The following PMEPA1 variants were observed in gnomAD, a reference collection of about 807,000 sequenced individuals.
PMEPA1 encodes prostate transmembrane protein, androgen induced 1.
A neutral mutation model predicts 23.0 loss-of-function variants in PMEPA1; 11 were observed. The ratio of observed to expected loss-of-function variants is 0.48; its 90% CI spans 0.30 to 0.79. The LOEUF (loss-of-function observed/expected upper bound fraction) is 0.79. Among genes scored for constraint, PMEPA1 ranks in the 30% least tolerant of loss-of-function variants. The probability of loss-of-function intolerance (pLI) is 0.06; values close to 1 mark genes in which losing one functional copy is unlikely to be tolerated. For missense variants in PMEPA1, 377 were observed against 390.9 expected (o/e 0.96, Z 0.30); for synonymous variants, 204 against 166.4 (o/e 1.23, Z -1.74).
Position 57,648,682 on chromosome 20 carries a change from T to TCAGG in PMEPA1, c.*3367_*3370dup, listed in dbSNP as rs2071178899. On this transcript the variant is annotated 3_prime_UTR_variant, in exon 4 of 4. Transcript: ENST00000341744. ...TGGAATCAGCACAACAGCCATGGAA[T>TCAGG]CAGGCAGGCAGGGGAGGACGGGCTG... The TCAGG allele has an allele frequency of 2.6e-5, 4 of 152,292 alleles. No individual in the cohort carries two copies. Among genetic ancestry groups the TCAGG allele is most frequent in the Admixed American group, 2.6e-4 (4 of 15,284 alleles). 9.4% of individuals were successfully genotyped at this position (152,292 alleles called of 1,614,324 possible).
intron 1 of PMEPA1, among the ~76,000 whole-genome samples, chr20:57,667,177 T>G (rs546744045): frequency 5.1e-4 from 78 of 152,070 alleles, no homozygotes; most frequent in Non-Finnish European, 9.9e-4. Flanking sequence ...GGACCCCACC[T>G]TTCAGTTAGA....
rs2146628526 is a variant in PMEPA1, at chr20:57,649,987, C to T, written c.*2066G>A. On this transcript the variant is annotated 3_prime_UTR_variant, in exon 4 of 4. Transcript: ENST00000341744. ...GGGATAACCTGTACTGATTTCTCTG[C>T]AGGACCTTTTCAAAGAATCCTCTTC... is the stretch of plus-strand genomic sequence containing the variant. 1 of 152,792 alleles carries T rather than the reference C, an allele frequency of 6.5e-6. No individual in the cohort carries two copies. Among genetic ancestry groups the T allele is most frequent in the East Asian group, 1.9e-4 (1 of 5,184 alleles). The allele number at this position is 152,792 out of a possible 1,614,324, so 9.5% of individuals were successfully genotyped here.
rs1413632777 is a variant in PMEPA1 at position 57,649,582 on chromosome 20, T to C, written c.*2471A>G. The C allele has an allele frequency of 6.6e-6, 1 of 152,162 alleles. No homozygotes were observed. The highest frequency in any genetic ancestry group is 1.9e-4 in the East Asian group (1 of 5,190). The allele number at this position is 152,162 out of a possible 1,614,324, so 9.4% of individuals were successfully genotyped here. ...ACCCAAACAGTTTGGCTCAAGAGGA[T>C]ATGAGGACTGTCTCAGCCTGGCTTT... On this transcript the variant is annotated 3_prime_UTR_variant, in exon 4 of 4. Coordinates refer to ENST00000341744, the MANE Select transcript of PMEPA1 (RefSeq NM_020182.5).
chr20:57,680,245 G>A (rs1418660542), intron 1 of PMEPA1, among the ~76,000 whole-genome samples: 1 of 152,222 alleles, frequency 6.6e-6, no homozygotes, highest in Non-Finnish European at 1.5e-5. Context: ...AGCTCCCAAG[G>A]AGCCGCTTTG....
At position 57,651,899 on chromosome 20, in the gene PMEPA1, C is replaced by G; in HGVS notation, c.*154G>C. On this transcript the variant is annotated 3_prime_UTR_variant, in exon 4 of 4. Coordinates refer to ENST00000341744, the MANE Select transcript of PMEPA1 (RefSeq NM_020182.5). ...TCTTAGCTTGTGCATTCAGACCAGA[C>G]ATCACATGTAAATATTTATACACAG... 2.1e-6 allele frequency: 1 copy of G among 472,068 alleles called. No individual in the cohort carries two copies. Among genetic ancestry groups the G allele is most frequent in the East Asian group, 3.5e-5 (1 of 28,300 alleles). The allele number at this position is 472,068 out of a possible 1,614,324, so 29.2% of individuals were successfully genotyped here. A position where few individuals can be genotyped will look rare whatever the true frequency, so the allele number is the denominator to read the frequency against.
chr20:57,690,761 T>A (rs1474704780), intron 1 of PMEPA1: 1 of 327,142 alleles, frequency 3.1e-6, no homozygotes, highest in Admixed American at 4.1e-5. Context: ...AAGTCTGGGG[T>A]GGAGCCTGGC....
chr20:57,709,912 C>T lies in PMEPA1; in HGVS notation c.-330G>A. On this transcript the variant is annotated 5_prime_UTR_variant, in exon 1 of 4. Transcript: ENST00000341744. ...CTGCCGCTAGCTTTCCCCAGCCGAG[C>T]GCCTCCGCCGCCGCCGCCGCCGCCG... is the stretch of plus-strand genomic sequence containing the variant. The T allele has an allele frequency of 3.0e-6, 3 of 1,009,776 alleles. No individual in the cohort carries two copies. Among genetic ancestry groups the T allele is most frequent in the Non-Finnish European group, 3.5e-6 (3 of 848,916 alleles). 62.6% of individuals were successfully genotyped at this position (1,009,776 alleles called of 1,614,324 possible). A position where few individuals can be genotyped will look rare whatever the true frequency, so the allele number is the denominator to read the frequency against.
intron 1 of PMEPA1, among the ~76,000 whole-genome samples, chr20:57,699,066 T>C (rs1171079883): frequency 1.3e-5 from 2 of 152,242 alleles, no homozygotes; most frequent in Non-Finnish European, 2.9e-5. Context: ...ATGCAAATTC[T>C]GAGCCTCCCT....
intron 1 of PMEPA1, among the ~76,000 whole-genome samples, chr20:57,664,861 T>C (rs2071471716): frequency 6.6e-6 from 1 of 152,242 alleles, no homozygotes; most frequent in Non-Finnish European, 1.5e-5. Flanking sequence ...TCAGGACTTC[T>C]GGCCAAGAGT....
In PMEPA1 at chr20:57,697,442, T is replaced by C. The variant is rs539790703; in HGVS notation, c.109+12032A>G. 3.3e-5 allele frequency among the ~76,000 whole-genome samples: 5 copies of C among 152,332 alleles called. No individual in the cohort carries two copies. The South Asian group carries it at 1.0e-3, about 32-fold the overall frequency. ...CACTCAACATCCCTCATCTATACTT[T>C]GGAAGTCACTAGGCAGCTCAATAAA... On this transcript the variant is annotated intron_variant, in intron 1 of 3. Coordinates refer to ENST00000341744, the MANE Select transcript of PMEPA1 (RefSeq NM_020182.5).
In PMEPA1 at chr20:57,652,213, A is replaced by G. The variant is rs746214641; in HGVS notation, c.704T>C (p.Val235Ala). The G allele has an allele frequency of 6.2e-7, 1 of 1,609,004 alleles. No individual in the cohort carries two copies. The change falls in exon 4 of 4, where the codon GTC becomes GCC. Residue 235 changes from valine (V) to alanine (A), a missense_variant. Around this residue, in one of 3 missense-constraint regions of PMEPA1, gnomAD observed 176 missense variants for 173.0 expected, o/e 1.02. Coordinates refer to ENST00000341744, the MANE Select transcript of PMEPA1 (RefSeq NM_020182.5). The surrounding 1 kb of genome is among the most constrained non-coding windows in gnomAD (Gnocchi z 6.1). ...GGAGGACCCCGGGTAGTGGCCGATG[A>G]CCTCGCTGTAGGTGGGCGGCGGCCC... is the stretch of plus-strand genomic sequence containing the variant. Reference protein sequence around the residue: ...MEGPPPTYSEVIGHYPGSSFQ... With the variant: ...MEGPPPTYSEAIGHYPGSSFQ...
chr20:57,700,706 A>G (rs950227617), intron 1 of PMEPA1, among the ~76,000 whole-genome samples: 2 of 152,200 alleles, frequency 1.3e-5, no homozygotes, highest in Non-Finnish European at 2.9e-5. Flanking sequence ...GCCCACTGAA[A>G]CAATAACAAA....
intron 1 of PMEPA1, among the ~76,000 whole-genome samples, chr20:57,706,724 A>C (rs1164629733): frequency 6.6e-6 from 1 of 152,208 alleles, no homozygotes; most frequent in Admixed American, 6.5e-5. Context: ...GTGCAGTCCA[A>C]GAGAAACCAC....
At chr20:57,706,068 A>C (rs2146717332) in intron 1 of PMEPA1, among the ~76,000 whole-genome samples, 2 of 152,322 alleles carry the variant, frequency 1.3e-5, no homozygotes, top group East Asian at 3.9e-4. Flanking sequence ...GGAGAAGAAG[A>C]ATCAGAGGCT....
intron 1 of PMEPA1, among the ~76,000 whole-genome samples, chr20:57,678,274 G>A (rs536590138): frequency 2.0e-5 from 3 of 152,240 alleles, no homozygotes; most frequent in Admixed American, 6.5e-5. Flanking sequence ...ATGTAAGACG[G>A]TACCATTGGG....
In PMEPA1 at chr20:57,652,334, C is replaced by G. The variant is rs953397218; in HGVS notation, c.583G>C (p.Asp195His). 4 of 1,612,656 alleles carry G rather than the reference C, an allele frequency of 2.5e-6. No homozygotes were observed. The highest frequency in any genetic ancestry group is 3.4e-6 in the Non-Finnish European group (4 of 1,179,878). The change falls in exon 4 of 4, where the codon GAC becomes CAC. Residue 195 changes from aspartate (D) to histidine (H), a missense_variant. Physicochemically the swap from Asp to His is moderately conservative, Grantham distance 81. Around this residue, in one of 3 missense-constraint regions of PMEPA1, gnomAD observed 176 missense variants for 173.0 expected, o/e 1.02. Coordinates refer to ENST00000341744, the MANE Select transcript of PMEPA1 (RefSeq NM_020182.5). This position sits in a 1 kb window ranked among gnomAD's most constrained non-coding sequence, Gnocchi z 6.1. Reference sequence around the variant, plus strand: ...CCCAGCCTGGCACTATCCATCAGGTCACTGTCGAAGATGGTTCTGTTTGGG... The same window carrying G: ...CCCAGCCTGGCACTATCCATCAGGTGACTGTCGAAGATGGTTCTGTTTGGG... ...APPNRTIFDS[D>H]LMDSARLGGP...
upstream of PMEPA1, chr20:57,710,577 C>G: frequency 9.1e-7 from 1 of 1,097,152 alleles, no homozygotes; most frequent in South Asian, 1.5e-5. Context: ...CCAGGAAAGA[C>G]GGGAACTCGC....
chr20:57,678,694 T>G (rs2071671770), intron 1 of PMEPA1, among the ~76,000 whole-genome samples: 1 of 152,232 alleles, frequency 6.6e-6, no homozygotes, highest in African/African-American at 2.4e-5. Context: ...ACACGTCATT[T>G]AAAATTTAGA....
chr20:57,686,636 C>T (rs758597095), intron 1 of PMEPA1, among the ~76,000 whole-genome samples: 3 of 152,250 alleles, frequency 2.0e-5, no homozygotes, highest in African/African-American at 4.8e-5. Flanking sequence ...GCCACTAACA[C>T]GGCATCCACC....
Sources: allele counts gnomAD v4.1 joint callset (sites outside exome capture counted in the v4.1 genomes callset), GRCh38; gene constraint gnomAD v4.1.1; regional missense constraint gnomAD v4.1.1; non-coding constraint Gnocchi (gnomAD v3.1); transcripts MANE v1.5; gene names NCBI Gene and HGNC (gene_info 2026-07-23, HGNC 2026-07-21).